The following CIC variants were observed in gnomAD, a reference collection of about 807,000 sequenced individuals.
The protein encoded by CIC is protein capicua homolog.
In CIC, 18 loss-of-function variants were observed where a neutral mutation model predicts 115.7. That is an observed-to-expected ratio of 0.16 (90% confidence interval 0.11 to 0.23). The LOEUF (loss-of-function observed/expected upper bound fraction) is 0.23. Among genes scored for constraint, CIC ranks in the 10% least tolerant of loss-of-function variants. The pLI is 1.00. For missense variants in CIC, 2,000 were observed against 2,159.3 expected, an observed-to-expected ratio of 0.93 and a Z score of 1.46; for synonymous variants, 1,076 against 923.0, an observed-to-expected ratio of 1.17 and a Z score of -3.01.
Position 42,287,057 on chromosome 19 carries a change from G to A in CIC, c.2996G>A (p.Gly999Glu), listed in dbSNP as rs763416532. 6.8e-6 allele frequency: 11 copies of A among 1,612,404 alleles called. No homozygotes were observed. The highest frequency in any genetic ancestry group is 1.8e-4 in the Middle Eastern group (1 of 5,610). Residue 999 changes from glycine (G) to glutamate (E), a missense_variant, in exon 4 of 21, where the codon GGG becomes GAG. This residue lies in a region of CIC where 222 missense variants were observed against 247.7 expected (regional missense o/e 0.90). Transcript: ENST00000681038. This position sits in a 1 kb window ranked among gnomAD's most constrained non-coding sequence, Gnocchi z 8.7. ...CATGAACGGCCACCAGGTGGGACAG[G>A]GAGTGCTGACCCTGAGCGGCCCCCT... ...VAHERPPGGT[G>E]SADPERPPGA...
intron 2 of CIC, among the ~76,000 whole-genome samples, chr19:42,283,546 C>T (rs1432344830): frequency 2.6e-5 from 4 of 152,050 alleles, no homozygotes. Context: ...GAAAGTGTGT[C>T]TGTATGTCTG....
At position 42,291,739 on chromosome 19, in the gene CIC, C is replaced by G. The variant is rs139270330; in HGVS notation, c.5607C>G (p.Pro1869=). ...CTGTGCAGAATGGTGCCCAGCCCCC[C>G]AGCAAGGTGAGGGCCTGCCTTTCTC... The part of the protein sequence containing the change: ...SVPVQNGAQP[P]SKIIQLTPVP... Residue 1869 remains proline (P), a synonymous_variant, in exon 12 of 21, where the codon CCC becomes CCG. Coordinates refer to ENST00000681038, the MANE Select transcript of CIC (RefSeq NM_001386298.1). 6.9e-5 allele frequency: 112 copies of G among 1,613,058 alleles called. No individual in the cohort carries two copies. In the African/African-American group the frequency reaches 1.4e-3, roughly 21 times the overall value.
chr19:42,282,752 G>A (rs1247220596), intron 2 of CIC, among the ~76,000 whole-genome samples: 1 of 152,090 alleles, frequency 6.6e-6, no homozygotes, highest in Non-Finnish European at 1.5e-5. Context: ...CTGAACAATG[G>A]GTGTAATAAA....
At position 42,290,934 on chromosome 19, in the gene CIC, G is replaced by A. The variant is rs1049256828; in HGVS notation, c.4893G>A (p.Pro1631=). The part of the protein sequence containing the change: ...GTGSRVPGGS[P]LGVSLVYSDK... ...GGTCTCGGGTGCCTGGGGGCTCCCC[G>A]CTGGGTGTCAGCTTAGTGTATTCGG... Residue 1631 remains proline, a synonymous_variant, in exon 11 of 21, where the codon CCG becomes CCA. Coordinates refer to ENST00000681038, the MANE Select transcript of CIC (RefSeq NM_001386298.1). 2 of 1,613,640 alleles carry A rather than the reference G, an allele frequency of 1.2e-6. No individual in the cohort carries two copies. Among genetic ancestry groups the A allele is most frequent in the Non-Finnish European group, 1.7e-6 (2 of 1,180,022 alleles).
Position 42,272,841 on chromosome 19 carries a change from C to A in CIC, c.1058C>A (p.Pro353His). 1 of 399,284 alleles carries A rather than the reference C, an allele frequency of 2.5e-6. No individual in the cohort carries two copies. The highest frequency in any genetic ancestry group is 4.4e-6 in the Non-Finnish European group (1 of 226,584). 24.7% of individuals were successfully genotyped at this position (399,284 alleles called of 1,614,324 possible). A position where few individuals can be genotyped will look rare whatever the true frequency, so the allele number is the denominator to read the frequency against. The change falls in exon 2 of 21, where the codon CCT (proline) becomes CAT (histidine). Residue 353 changes from proline (P) to histidine (H), a missense_variant. Physicochemically the swap from Pro to His is moderately conservative, Grantham distance 77. Around this residue, in one of 8 missense-constraint regions of CIC, gnomAD observed 222 missense variants for 247.7 expected, o/e 0.90. Coordinates refer to ENST00000681038, the MANE Select transcript of CIC (RefSeq NM_001386298.1). ...WEPETMLRKP[P>H]TGPEEEQAEP... ...CCTGAGACCATGCTGAGGAAGCCCCCTACAGGCCCTGAGGAAGAGCAGGCA... is the reference window on the plus strand; with the variant it reads ...CCTGAGACCATGCTGAGGAAGCCCCATACAGGCCCTGAGGAAGAGCAGGCA...
At chr19:42,285,748 G>T (rs1272804847) in intron 2 of CIC, among the ~76,000 whole-genome samples, 2 of 152,210 alleles carry the variant, frequency 1.3e-5, no homozygotes, top group African/African-American at 4.8e-5. Flanking sequence ...CAGGCAGTGT[G>T]AGGGGAAGCC....
In CIC at chr19:42,287,137, G is replaced by A. The variant is rs753541026; in HGVS notation, c.3076G>A (p.Val1026Met). 6.2e-7 allele frequency: 1 copy of A among 1,613,578 alleles called. No homozygotes were observed. The highest frequency in any genetic ancestry group is 1.1e-5 in the South Asian group (1 of 91,070). ...GPGPPHPLGV[V>M]ESGKGPPPTT... is the part of the protein sequence containing the mutation. ...CGGACCCCCACACCCTTTGGGGGTG[G>A]TGGAATCTGGTAAGGGTCCGCCTCC... The change falls in exon 4 of 21, where the codon GTG (valine) becomes ATG (methionine). Residue 1026 changes from valine to methionine, a missense_variant. Val to Met is a conservative substitution (Grantham distance 21). Transcript: ENST00000681038. This position sits in a 1 kb window ranked among gnomAD's most constrained non-coding sequence, Gnocchi z 8.7.
At position 42,273,114 on chromosome 19, in the gene CIC, G is replaced by T. The variant is rs905042397; in HGVS notation, c.1331G>T (p.Cys444Phe). 39 of 398,638 alleles carry T rather than the reference G, an allele frequency of 9.8e-5. 1 individual carries two copies. Among genetic ancestry groups the T allele is most frequent in the Admixed American group, 8.4e-4 (19 of 22,740 alleles). 24.7% of individuals were successfully genotyped at this position (398,638 alleles called of 1,614,324 possible). The change falls in exon 2 of 21, where the codon TGC becomes TTC. Residue 444 changes from cysteine (C) to phenylalanine (F), a missense_variant. This residue lies in a region of CIC where 222 missense variants were observed against 247.7 expected (regional missense o/e 0.90). Transcript: ENST00000681038. ...CGCCCTGGCGAGCAGCCCTCGCCCT[G>T]CCAGGAGGGGAGCCAGGGCGGCAGC... ...PGRPGEQPSP[C>F]QEGSQGGSRS...
At chr19:42,294,518 A>G in intron 19 of CIC, 86 bp from the exon 20 acceptor site, 1 of 1,595,060 alleles carries the variant, frequency 6.3e-7, no homozygotes. Context: ...AATAGAATGC[A>G]GTGAGGGCTT....
In CIC at chr19:42,292,632, C is replaced by A; in HGVS notation, c.5969C>A (p.Pro1990Gln). 1 of 1,613,552 alleles carries A rather than the reference C, an allele frequency of 6.2e-7. No individual in the cohort carries two copies. The highest frequency in any genetic ancestry group is 8.5e-7 in the Non-Finnish European group (1 of 1,179,938). ...GVSPVPSPQLPPACAAPGGPV... is the reference protein window; with the variant it reads ...GVSPVPSPQLQPACAAPGGPV... ...TCACCTGTGCCCAGTCCCCAGCTGCCGCCTGCCTGTGCAGCCCCCGGAGGT... is the reference window on the plus strand; with the variant it reads ...TCACCTGTGCCCAGTCCCCAGCTGCAGCCTGCCTGTGCAGCCCCCGGAGGT... Residue 1990 changes from proline to glutamine, a missense_variant, in exon 15 of 21, where the codon CCG (proline) becomes CAG (glutamine). By Grantham distance (76) the Pro-to-Gln change is moderately conservative (BLOSUM62 -1). Coordinates refer to ENST00000681038, the MANE Select transcript of CIC (RefSeq NM_001386298.1).
rs1402025042 is a variant in CIC at position 42,273,086 on chromosome 19, G to A, written c.1303G>A (p.Gly435Ser). 2.0e-5 allele frequency: 8 copies of A among 398,608 alleles called. No individual in the cohort carries two copies. The highest frequency in any genetic ancestry group is 3.6e-5 in the East Asian group (1 of 28,048). The allele number at this position is 398,608 out of a possible 1,614,324, so 24.7% of individuals were successfully genotyped here. Residue 435 changes from glycine to serine, a missense_variant, in exon 2 of 21, where the codon GGC (glycine) becomes AGC (serine). Coordinates refer to ENST00000681038, the MANE Select transcript of CIC (RefSeq NM_001386298.1). ...PPKSPAFVGP[G>S]RPGEQPSPCQ... ...CAAGTCTCCAGCCTTTGTGGGCCCC[G>A]GCCGCCCTGGCGAGCAGCCCTCGCC... is the stretch of plus-strand genomic sequence containing the variant.
At position 42,286,772 on chromosome 19, in the gene CIC, G is replaced by A. The variant is rs1353631976; in HGVS notation, c.2796G>A (p.Val932=). 1 of 1,613,986 alleles carries A rather than the reference G, an allele frequency of 6.2e-7. No individual in the cohort carries two copies. Among genetic ancestry groups the A allele is most frequent in the Admixed American group, 1.7e-5 (1 of 60,018 alleles). ...KEVIMGRPGT[V]WTNVEPRSVA... ...AGCTCACCTGGCTCCTTTCCACAGT[G>A]TGGACGAATGTGGAACCTCGCTCTG... The change falls in exon 3 of 21, where the codon GTG becomes GTA. Residue 932 remains valine (V), a splice_region_variant and synonymous_variant. Coordinates refer to ENST00000681038, the MANE Select transcript of CIC (RefSeq NM_001386298.1).
At chr19:42,277,206 T>C (rs570819440) in intron 2 of CIC, among the ~76,000 whole-genome samples, 1 of 152,332 alleles carries the variant, frequency 6.6e-6, no homozygotes, top group East Asian at 1.9e-4. Context: ...CTAAGTGACT[T>C]GCCCGGGTCC....
chr19:42,293,677 G>T lies in CIC; in HGVS notation c.6608G>T (p.Ser2203Ile). 6.2e-7 allele frequency: 1 copy of T among 1,612,752 alleles called. No homozygotes were observed. The highest frequency in any genetic ancestry group is 8.5e-7 in the Non-Finnish European group (1 of 1,179,730). ...CGTGGGGAGCCTCCCACTCCTCCCA[G>T]CCCGGCCCCAGCTCCAGCTGTAGCC... ...ENRGEPPTPP[S>I]PAPAPAVAPG... Residue 2203 changes from serine to isoleucine, a missense_variant, in exon 17 of 21, where the codon AGC (serine) becomes ATC (isoleucine). Transcript: ENST00000681038.
intron 9 of CIC, 91 bp downstream of exon 9, chr19:42,289,497 C>T (rs892722494): frequency 5.1e-6 from 7 of 1,364,740 alleles, no homozygotes; most frequent in African/African-American, 2.9e-5. Context: ...CCCTAGGCCC[C>T]TTTGTTTTCT....
chr19:42,283,317 G>C (rs1382892697), intron 2 of CIC, among the ~76,000 whole-genome samples: 1 of 152,082 alleles, frequency 6.6e-6, no homozygotes, highest in East Asian at 1.9e-4. Flanking sequence ...GTGGGGGTGT[G>C]ATGAGGATGC....
intron 16 of CIC, 102 bp downstream of exon 16, chr19:42,293,383 C>T: frequency 4.3e-6 from 6 of 1,382,238 alleles, no homozygotes; most frequent in Non-Finnish European, 5.0e-6. Flanking sequence ...GCCTGTGTGT[C>T]TCTCAGGTTA....
intron 2 of CIC, among the ~76,000 whole-genome samples, chr19:42,285,768 C>T (rs1223449570): frequency 1.3e-5 from 2 of 152,340 alleles, no homozygotes; most frequent in African/African-American, 2.4e-5. Flanking sequence ...CCACTGGTAT[C>T]CTAGGCCCGC....
chr19:42,275,000 C>T (rs1243496429), intron 2 of CIC, among the ~76,000 whole-genome samples: 1 of 152,214 alleles, frequency 6.6e-6, no homozygotes, highest in Non-Finnish European at 1.5e-5. Flanking sequence ...CACTTACCAC[C>T]TGTTCTAAAG....
Sources: gnomAD v4.1 joint callset for allele counts (sites outside exome capture counted in the v4.1 genomes callset) on GRCh38, gnomAD v4.1.1 for gene constraint, gnomAD v4.1.1 regional missense constraint, Gnocchi (gnomAD v3.1) non-coding constraint, MANE v1.5 for transcripts, NCBI Gene and HGNC (gene_info 2026-07-23, HGNC 2026-07-21) for gene names.